G2E3: variants seen among roughly 807,000 people sequenced by gnomAD.
G2E3 encodes the protein G2/M-phase specific E3 ubiquitin protein ligase.
Under a neutral mutation model 92.8 loss-of-function variants are expected in G2E3, and 35 were observed. That is an observed-to-expected ratio of 0.38 (90% CI 0.29 to 0.50). The LOEUF (loss-of-function observed/expected upper bound fraction) is 0.50. G2E3 is among the 20% of genes least tolerant of loss of function. The pLI is 0.94. For synonymous variants in G2E3, 242 were observed against 272.4 expected (o/e 0.89, Z 1.10); for missense variants, 554 against 823.8 (o/e 0.67, Z 4.01).
At position 30,618,766 on chromosome 14, in the gene G2E3, T is replaced by C. The variant is rs1281618830; in HGVS notation, c.*2232T>C. 1 of 152,134 alleles carries C rather than the reference T, an allele frequency of 6.6e-6. No individual in the cohort carries two copies. Among genetic ancestry groups the C allele is most frequent in the African/African-American group, 2.4e-5 (1 of 41,466 alleles). 9.4% of individuals were successfully genotyped at this position (152,134 alleles called of 1,614,324 possible). ...GGTCAAGGAATATCAGAGAAACCTG[T>C]AGGTTATTTATTTTCTGCAGTGTCA... On this transcript the variant is annotated 3_prime_UTR_variant, in exon 15 of 15. Coordinates refer to ENST00000206595, the MANE Select transcript of G2E3 (RefSeq NM_017769.5).
chr14:30,597,089 A>C, intron 6 of G2E3, among the ~76,000 whole-genome samples: 1 of 152,220 alleles, frequency 6.6e-6, no homozygotes. Context: ...GTAACTCAGG[A>C]GTTTCATTTT....
intron 7 of G2E3, 113 bp downstream of exon 7, chr14:30,597,639 C>G (rs559612117): frequency 1.5e-6 from 1 of 676,648 alleles, no homozygotes; most frequent in South Asian, 1.9e-5. Context: ...GTAGCCATTT[C>G]AAATGGTGAA....
chr14:30,593,323 G>A, intron 5 of G2E3, 151 bp from the exon 6 acceptor site: 1 of 551,964 alleles, frequency 1.8e-6, no homozygotes. Context: ...TAGATTGTGA[G>A]ACTTAATTTT....
chr14:30,559,327 C>G (rs886958454), intron 1 of G2E3, 55 bp downstream of exon 1: 56 of 152,568 alleles, frequency 3.7e-4, no homozygotes, highest in African/African-American at 1.3e-3. Context: ...GAAGCAGGAC[C>G]GTGGGGTGGG....
chr14:30,588,165 C>G (rs1880815034), intron 3 of G2E3, among the ~76,000 whole-genome samples: 1 of 151,048 alleles, frequency 6.6e-6, no homozygotes, highest in Non-Finnish European at 1.5e-5. Flanking sequence ...TTATGTTTTG[C>G]AGTAAAAAGA....
intron 13 of G2E3, among the ~76,000 whole-genome samples, chr14:30,613,570 G>C (rs1397545660): frequency 6.6e-6 from 1 of 151,998 alleles, no homozygotes; most frequent in African/African-American, 2.4e-5. Context: ...ATGGGAAATG[G>C]GTAATTCACA....
intron 1 of G2E3, among the ~76,000 whole-genome samples, chr14:30,572,982 G>A (rs1233765412): frequency 1.3e-5 from 2 of 151,154 alleles, no homozygotes; most frequent in African/African-American, 4.9e-5. Flanking sequence ...AAAAAACATT[G>A]AAGATCATAT....
intron 1 of G2E3, among the ~76,000 whole-genome samples, chr14:30,575,269 GTTGT>G (rs1026384014): frequency 2.0e-5 from 3 of 151,992 alleles, no homozygotes; most frequent in African/African-American, 7.3e-5. Context: ...TTTTAATGGG[GTTGT>G]TTTTTTCTTG....
At chr14:30,587,134 A>C (rs982049270) in intron 3 of G2E3, among the ~76,000 whole-genome samples, 3 of 152,080 alleles carry the variant, frequency 2.0e-5, no homozygotes, top group Admixed American at 6.5e-5. Context: ...TTCTTATTTC[A>C]TTTGTTGCTA....
At chr14:30,578,050 A>G (rs1015809799) in intron 1 of G2E3, among the ~76,000 whole-genome samples, 3 of 152,086 alleles carry the variant, frequency 2.0e-5, no homozygotes, top group African/African-American at 7.2e-5. Context: ...TTGAAGGAAA[A>G]CATCTAAAAG....
At chr14:30,564,345 A>G (rs780655213) in intron 1 of G2E3, among the ~76,000 whole-genome samples, 22 of 152,070 alleles carry the variant, frequency 1.4e-4, no homozygotes. Context: ...AAAATTAGCC[A>G]TTTTATTTGA....
chr14:30,578,403 A>G (rs172946), intron 1 of G2E3, among the ~76,000 whole-genome samples: 74,824 of 152,020 alleles, frequency 0.49, 21,451 homozygotes, highest in African/African-American at 0.79. Flanking sequence ...ATCCTAGCCC[A>G]GTCAGCCTAA....
chr14:30,612,129 T>C (rs1481805764), intron 12 of G2E3, 78 bp from the exon 13 acceptor site: 1 of 989,680 alleles, frequency 1.0e-6, no homozygotes, highest in Non-Finnish European at 1.6e-6. Context: ...TGAGTATAAA[T>C]TAACAAGTAT....
chr14:30,589,750 G>C (rs1008978197), intron 4 of G2E3, among the ~76,000 whole-genome samples: 6 of 151,866 alleles, frequency 4.0e-5, no homozygotes, highest in African/African-American at 1.5e-4. Flanking sequence ...TTGACCATCA[G>C]AATTATGATC....
chr14:30,591,407 G>A (rs1160927857), intron 4 of G2E3, among the ~76,000 whole-genome samples: 1 of 152,094 alleles, frequency 6.6e-6, no homozygotes, highest in Non-Finnish European at 1.5e-5. Flanking sequence ...TAGCGGCACT[G>A]GTAGTATATT....
Position 30,602,070 on chromosome 14 carries a change from G to A in G2E3, c.949G>A (p.Glu317Lys). 4 of 1,611,314 alleles carry A rather than the reference G, an allele frequency of 2.5e-6. No individual in the cohort carries two copies. The highest frequency in any genetic ancestry group is 3.4e-6 in the Non-Finnish European group (4 of 1,177,662). Residue 317 changes from glutamate (E) to lysine (K), a missense_variant, in exon 10 of 15, where the codon GAA becomes AAA. Around this residue, in one of 3 missense-constraint regions of G2E3, gnomAD observed 397 missense variants for 560.3 expected, o/e 0.71. Coordinates refer to ENST00000206595, the MANE Select transcript of G2E3 (RefSeq NM_017769.5). ...NNVGITDCLL[E>K]ESSPKLPRQS... ...TGTGGGGATTACAGATTGTTTGTTG[G>A]AAGAGTCATCACCTAAATTACCCAG... is the stretch of plus-strand genomic sequence containing the variant.
At chr14:30,583,331 A>G (rs1367719686) in intron 2 of G2E3, among the ~76,000 whole-genome samples, 1 of 152,258 alleles carries the variant, frequency 6.6e-6, no homozygotes, top group Non-Finnish European at 1.5e-5. Flanking sequence ...ACACTGTCTT[A>G]GTCCTCACTA....
chr14:30,600,607 A>G (rs1179255591), intron 8 of G2E3, among the ~76,000 whole-genome samples: 1 of 152,236 alleles, frequency 6.6e-6, no homozygotes, highest in Non-Finnish European at 1.5e-5. Context: ...TATTTCTTGT[A>G]TACCATTGGT....
chr14:30,588,931 A>C (rs1029249963), intron 3 of G2E3, among the ~76,000 whole-genome samples: 1 of 152,158 alleles, frequency 6.6e-6, no homozygotes, highest in African/African-American at 2.4e-5. Flanking sequence ...TTTTCTTGTA[A>C]ATAATGCCTT....
Sources: gnomAD v4.1 joint callset for allele counts (sites outside exome capture counted in the v4.1 genomes callset) on GRCh38, gnomAD v4.1.1 for gene constraint, gnomAD v4.1.1 regional missense constraint, MANE v1.5 for transcripts, NCBI Gene and HGNC (gene_info 2026-07-23, HGNC 2026-07-21) for gene names.